Variants in CRPPA observed in about 807,000 individuals in gnomAD.
CRPPA encodes the protein CDP-L-ribitol pyrophosphorylase A.
In CRPPA, 43 loss-of-function variants were observed where a neutral mutation model predicts 52.0. The observed-to-expected ratio is 0.83, with a 90% CI of 0.65 to 1.07. The LOEUF is 1.07. CRPPA is among the 50% of genes least tolerant of loss of function. CRPPA has a pLI of 0.00. For missense variants in CRPPA, 629 were observed against 551.7 expected, an observed-to-expected ratio of 1.14 and a Z score of -1.40; for synonymous variants, 250 against 203.5, an observed-to-expected ratio of 1.23 and a Z score of -1.94.
chr7:16,190,912 G>A (rs573563723), intron 9 of CRPPA, among the ~76,000 whole-genome samples: 13 of 152,002 alleles, frequency 8.6e-5, no homozygotes, highest in South Asian at 6.2e-4. Context: ...ATAGTCTCCA[G>A]TTCCACCCAG....
chr7:16,326,651 T>C (rs1189712964), intron 3 of CRPPA, among the ~76,000 whole-genome samples: 2 of 152,208 alleles, frequency 1.3e-5, no homozygotes, highest in Non-Finnish European at 1.5e-5. Flanking sequence ...GTTAAAGAGA[T>C]TCAGTACCTA....
chr7:16,418,667 A>G (rs999339311), intron 1 of CRPPA, among the ~76,000 whole-genome samples: 3 of 152,172 alleles, frequency 2.0e-5, no homozygotes, highest in African/African-American at 7.2e-5. Flanking sequence ...CTCACTATCA[A>G]GAGACCAGCA....
chr7:16,233,408 T>C (rs940164672), intron 8 of CRPPA, among the ~76,000 whole-genome samples: 1 of 152,136 alleles, frequency 6.6e-6, no homozygotes, highest in Admixed American at 6.6e-5. Flanking sequence ...AATGAGGAGA[T>C]ACATACTTCC....
chr7:16,378,472 G>C (rs1786970422), intron 2 of CRPPA, among the ~76,000 whole-genome samples: 1 of 151,430 alleles, frequency 6.6e-6, no homozygotes, highest in Non-Finnish European at 1.5e-5. Flanking sequence ...AGTATTCTAT[G>C]GTGTATATGT....
chr7:16,278,269 G>T, intron 5 of CRPPA, 43 bp from the exon 6 acceptor site: 1 of 955,062 alleles, frequency 1.0e-6, no homozygotes, highest in Non-Finnish European at 1.6e-6. Context: ...AACAAAACAT[G>T]TAACAAGGCC....
At chr7:16,331,849 G>A (rs1477781263) in intron 3 of CRPPA, among the ~76,000 whole-genome samples, 2 of 152,018 alleles carry the variant, frequency 1.3e-5, no homozygotes. Context: ...ATAATTAAGA[G>A]CTATAAAAGG....
chr7:16,417,142 A>C (rs1276876082), intron 1 of CRPPA, among the ~76,000 whole-genome samples: 3 of 152,156 alleles, frequency 2.0e-5, no homozygotes, highest in Non-Finnish European at 1.5e-5. Flanking sequence ...CCAAAAAAAA[A>C]CAGATGCTAG....
chr7:16,162,811 TAA>T (rs1352045061), intron 9 of CRPPA, among the ~76,000 whole-genome samples: 1 of 152,148 alleles, frequency 6.6e-6, no homozygotes, highest in East Asian at 1.9e-4. Context: ...TGTGGGAGTC[TAA>T]GTCTCTTTGT....
intron 1 of CRPPA, among the ~76,000 whole-genome samples, chr7:16,412,748 C>G (rs528571540): frequency 2.0e-5 from 3 of 152,212 alleles, no homozygotes; most frequent in Non-Finnish European, 4.4e-5. Context: ...CAAGTCCACA[C>G]CAAACCCTCA....
intron 9 of CRPPA, among the ~76,000 whole-genome samples, chr7:16,213,709 AT>A (rs1324782151): frequency 6.6e-6 from 1 of 151,186 alleles, no homozygotes; most frequent in Non-Finnish European, 1.5e-5. Context: ...AGATTGTGCC[AT>A]TGCGCTCCAG....
At chr7:16,380,032 T>G (rs1380044909) in intron 2 of CRPPA, among the ~76,000 whole-genome samples, 2 of 151,182 alleles carry the variant, frequency 1.3e-5, no homozygotes, top group Admixed American at 1.3e-4. Context: ...CTACGTTGAA[T>G]AGGAGTGGTG....
chr7:16,217,381 C>A (rs1782359086), intron 8 of CRPPA, among the ~76,000 whole-genome samples: 1 of 151,882 alleles, frequency 6.6e-6, no homozygotes, highest in South Asian at 2.1e-4. Flanking sequence ...AAACGCAGAG[C>A]ACCTCTCCTC....
intron 3 of CRPPA, among the ~76,000 whole-genome samples, chr7:16,356,081 T>C (rs1786287881): frequency 6.6e-6 from 1 of 151,932 alleles, no homozygotes; most frequent in Non-Finnish European, 1.5e-5. Flanking sequence ...AGAAAAATTC[T>C]AGAATGCTTT....
chr7:16,144,297 C>A (rs919412422), intron 9 of CRPPA, among the ~76,000 whole-genome samples: 1 of 152,220 alleles, frequency 6.6e-6, no homozygotes, highest in Non-Finnish European at 1.5e-5. Context: ...TTAGGCCCAA[C>A]TGAAGTTCCT....
chr7:16,275,997 A>G (rs1016608614), intron 6 of CRPPA, among the ~76,000 whole-genome samples: 16 of 152,036 alleles, frequency 1.1e-4, no homozygotes, highest in African/African-American at 3.9e-4. Flanking sequence ...TAAGAAAATG[A>G]CAGAACTATA....
At chr7:16,397,219 A>G (rs1382222966) in intron 2 of CRPPA, among the ~76,000 whole-genome samples, 2 of 152,230 alleles carry the variant, frequency 1.3e-5, no homozygotes, top group African/African-American at 4.8e-5. Context: ...ACTGACACGT[A>G]TGTGATACGA....
At chr7:16,109,428 C>A (rs544235879) in intron 9 of CRPPA, among the ~76,000 whole-genome samples, 9 of 151,900 alleles carry the variant, frequency 5.9e-5, no homozygotes, top group African/African-American at 2.2e-4. Context: ...AAGTCTCCCA[C>A]CAAGGAAAAG....
intron 3 of CRPPA, among the ~76,000 whole-genome samples, chr7:16,348,903 C>G (rs572406173): frequency 1.5e-4 from 23 of 152,322 alleles, no homozygotes; most frequent in Middle Eastern, 3.4e-3. Context: ...CCTTAACAAC[C>G]TACCTCTGGA....
intron 3 of CRPPA, among the ~76,000 whole-genome samples, chr7:16,319,143 T>G (rs548939186): frequency 6.6e-6 from 1 of 152,324 alleles, no homozygotes; most frequent in African/African-American, 2.4e-5. Flanking sequence ...TATTAAAATT[T>G]GTTTCCTATA....
Sources: allele counts gnomAD v4.1 joint callset (sites outside exome capture counted in the v4.1 genomes callset), GRCh38; gene constraint gnomAD v4.1.1; transcripts MANE v1.5; gene names NCBI Gene and HGNC (gene_info 2026-07-23, HGNC 2026-07-21).